DENND1A: variants seen among roughly 807,000 people sequenced by gnomAD.
DENND1A encodes the protein DENN domain-containing protein 1A.
DENND1A carries 51 observed loss-of-function variants against 113.7 expected under a neutral mutation model. The observed-to-expected ratio is 0.45, with a 90% CI of 0.36 to 0.57. The LOEUF (loss-of-function observed/expected upper bound fraction) is 0.57. Among genes scored for constraint, DENND1A ranks in the 20% least tolerant of loss-of-function variants. The probability of loss-of-function intolerance (pLI) is 0.00; values close to 1 mark genes in which losing one functional copy is unlikely to be tolerated. For missense variants in DENND1A, 1,258 were observed against 1,395.9 expected (o/e 0.90, Z 1.57); for synonymous variants, 565 against 570.8 (o/e 0.99, Z 0.14).
At chr9:123,658,358 G>A (rs2063069776) in intron 8 of DENND1A, among the ~76,000 whole-genome samples, 1 of 152,090 alleles carries the variant, frequency 6.6e-6, no homozygotes, top group Non-Finnish European at 1.5e-5. Flanking sequence ...AACTGTTCAT[G>A]ATCTGTGACT....
Position 123,791,298 on chromosome 9 carries a change from T to C in DENND1A, c.132+1289A>G, listed in dbSNP as rs1832961313. Among the ~76,000 whole-genome samples, 5 of 152,256 alleles carry C rather than the reference T, an allele frequency of 3.3e-5. No individual in the cohort carries two copies. The South Asian group carries it at 1.0e-3, about 32-fold the overall frequency. On this transcript the variant is annotated intron_variant, in intron 3 of 23. Coordinates refer to ENST00000394215, the MANE Select transcript of DENND1A (RefSeq NM_001352964.2). The stretch of plus-strand genomic sequence containing the variant: ...TATATATTGTCTAAAGAAAGGAAAT[T>C]CATTAATGAAAAGGTCCTATAATCC...
intron 13 of DENND1A, among the ~76,000 whole-genome samples, chr9:123,549,844 A>G (rs183953469): frequency 2.8e-4 from 43 of 152,322 alleles, no homozygotes; most frequent in Non-Finnish European, 1.9e-4. Flanking sequence ...TACAAAAGGC[A>G]TATGTAGTAA....
chr9:123,721,846 G>A (rs1210250153), intron 5 of DENND1A, among the ~76,000 whole-genome samples: 1 of 152,134 alleles, frequency 6.6e-6, no homozygotes, highest in African/African-American at 2.4e-5. Flanking sequence ...TCTTGGGTAT[G>A]TCTTTATCAG....
intron 3 of DENND1A, among the ~76,000 whole-genome samples, chr9:123,784,857 A>G (rs747144523): frequency 6.6e-6 from 1 of 152,220 alleles, no homozygotes; most frequent in Non-Finnish European, 1.5e-5. Context: ...CAAATTGGGA[A>G]GAAATCTTCA....
At chr9:123,496,596 A>G (rs898390123) in intron 13 of DENND1A, among the ~76,000 whole-genome samples, 14 of 152,240 alleles carry the variant, frequency 9.2e-5, no homozygotes, top group African/African-American at 3.4e-4. Context: ...TCCACAAATT[A>G]GAACTTCTGC....
At chr9:123,528,462 C>T (rs2055024575) in intron 13 of DENND1A, among the ~76,000 whole-genome samples, 1 of 152,070 alleles carries the variant, frequency 6.6e-6, no homozygotes, top group South Asian at 2.1e-4. Flanking sequence ...CACATGGATC[C>T]CTAGCTAGAA....
chr9:123,864,852 C>T lies in DENND1A; in HGVS notation c.88+14099G>A, dbSNP rs569367363. Among the ~76,000 whole-genome samples, 6 of 152,240 alleles carry T rather than the reference C, an allele frequency of 3.9e-5. No homozygotes were observed. In the South Asian group the frequency reaches 6.2e-4, roughly 16 times the overall value. ...CTGCAATCAGTTGGAATTGTGTCAA[C>T]TCATTTATTGGTCCAACAAATACAC... On this transcript the variant is annotated intron_variant, in intron 2 of 23. Transcript: ENST00000394215.
intron 5 of DENND1A, among the ~76,000 whole-genome samples, chr9:123,683,703 G>C (rs1011055918): frequency 6.6e-6 from 1 of 152,184 alleles, no homozygotes; most frequent in Non-Finnish European, 1.5e-5. Context: ...ATACGTGCTT[G>C]TTTGCCTGTC....
intron 5 of DENND1A, among the ~76,000 whole-genome samples, chr9:123,691,617 C>G (rs1474503335): frequency 6.7e-6 from 1 of 150,070 alleles, no homozygotes. Context: ...CTAGAGCAGT[C>G]CAAAGAGCCC....
At chr9:123,808,082 C>T (rs886161043) in intron 2 of DENND1A, among the ~76,000 whole-genome samples, 3 of 152,044 alleles carry the variant, frequency 2.0e-5, no homozygotes, top group Non-Finnish European at 2.9e-5. Flanking sequence ...AAAAATTAGC[C>T]GGGTGTGGTG....
chr9:123,792,742 G>C, intron 2 of DENND1A, 112 bp from the exon 3 acceptor site: 1 of 1,190,138 alleles, frequency 8.4e-7, no homozygotes, highest in Admixed American at 2.0e-5. Flanking sequence ...GGGATCCAAG[G>C]GGGGCAGCTG....
At chr9:123,680,514 C>G (rs944530035) in intron 5 of DENND1A, among the ~76,000 whole-genome samples, 5 of 152,324 alleles carry the variant, frequency 3.3e-5, no homozygotes, top group African/African-American at 1.2e-4. Flanking sequence ...TCTGTGTAAA[C>G]ACAAAGTAGT....
chr9:123,440,265 T>C (rs1236258361), intron 19 of DENND1A, 95 bp downstream of exon 19: 2 of 1,387,894 alleles, frequency 1.4e-6, no homozygotes, highest in South Asian at 1.4e-5. Flanking sequence ...CAAAGAGAAC[T>C]GAAATGAAAA....
chr9:123,410,915 C>T (rs1281907688), intron 20 of DENND1A, among the ~76,000 whole-genome samples: 1 of 152,122 alleles, frequency 6.6e-6, no homozygotes, highest in Non-Finnish European at 1.5e-5. Context: ...TGCTAAAGTT[C>T]GCATGCCTCA....
intron 15 of DENND1A, among the ~76,000 whole-genome samples, chr9:123,456,586 G>A (rs2048142107): frequency 6.6e-6 from 1 of 152,178 alleles, no homozygotes; most frequent in Non-Finnish European, 1.5e-5. Context: ...TGAGGCAGGT[G>A]GATCACCTGA....
intron 2 of DENND1A, among the ~76,000 whole-genome samples, chr9:123,797,100 T>C (rs1833899079): frequency 6.6e-6 from 1 of 152,182 alleles, no homozygotes; most frequent in Non-Finnish European, 1.5e-5. Context: ...TCATTATCTC[T>C]AGGATATTTC....
chr9:123,621,184 CT>C (rs71490814), intron 10 of DENND1A, among the ~76,000 whole-genome samples: 3,370 of 134,774 alleles, frequency 0.025, 103 homozygotes, highest in African/African-American at 0.076. Context: ...AGTTGAAATT[CT>C]TTTTTTTTTT....
chr9:123,646,491 A>C (rs1215490499), intron 9 of DENND1A, among the ~76,000 whole-genome samples: 1 of 152,108 alleles, frequency 6.6e-6, no homozygotes, highest in African/African-American at 2.4e-5. Flanking sequence ...GAAAATAATA[A>C]TAGATGCAGG....
intron 19 of DENND1A, among the ~76,000 whole-genome samples, chr9:123,439,102 G>A (rs1375586152): frequency 1.3e-5 from 2 of 152,246 alleles, no homozygotes; most frequent in Non-Finnish European, 2.9e-5. Flanking sequence ...CAGGGAACTG[G>A]GGTGCAGATT....
Sources: gnomAD v4.1 joint callset for allele counts (sites outside exome capture counted in the v4.1 genomes callset) on GRCh38, gnomAD v4.1.1 for gene constraint, MANE v1.5 for transcripts, NCBI Gene and HGNC (gene_info 2026-07-23, HGNC 2026-07-21) for gene names.